ATL1: variants seen among roughly 807,000 people sequenced by gnomAD.
The protein encoded by ATL1 is atlastin GTPase 1.
ATL1 carries 31 observed loss-of-function variants against 75.5 expected under a neutral mutation model. The ratio of observed to expected loss-of-function variants is 0.41; its 90% confidence interval spans 0.31 to 0.55. ATL1 has a LOEUF of 0.55. Ranked by LOEUF, ATL1 falls within the 20% of genes least tolerant of loss-of-function variation. ATL1 has a pLI of 0.27. For missense variants in ATL1, 405 were observed against 662.6 expected, an observed-to-expected ratio of 0.61 and a Z score of 4.27; for synonymous variants, 226 against 233.3, an observed-to-expected ratio of 0.97 and a Z score of 0.28.
At chr14:50,540,175 A>G (rs1224943794) in intron 1 of ATL1, among the ~76,000 whole-genome samples, 2 of 152,250 alleles carry the variant, frequency 1.3e-5, no homozygotes, top group African/African-American at 4.8e-5. Context: ...CACAGTTACT[A>G]TAATAACCTT....
At chr14:50,604,371 T>C (rs944112667) in intron 6 of ATL1, among the ~76,000 whole-genome samples, 1 of 152,124 alleles carries the variant, frequency 6.6e-6, no homozygotes, top group African/African-American at 2.4e-5. Flanking sequence ...AATTAAATTA[T>C]ACATGACTTA....
chr14:50,573,746 T>A (rs1398138988), intron 1 of ATL1, among the ~76,000 whole-genome samples: 1 of 152,180 alleles, frequency 6.6e-6, no homozygotes, highest in Non-Finnish European at 1.5e-5. Context: ...CTCAGATATG[T>A]TTTTTAAAAA....
At position 50,553,940 on chromosome 14, in the gene ATL1, G is replaced by A. The variant is rs1380849509; in HGVS notation, c.-139-6187G>A. 5.9e-5 allele frequency among the ~76,000 whole-genome samples: 9 copies of A among 152,158 alleles called. No homozygotes were observed. In the East Asian group the frequency reaches 1.7e-3, roughly 29 times the overall value. The stretch of plus-strand genomic sequence containing the variant: ...CATAAGAATGATATAATGGACTTTG[G>A]GGACTCCGGGCAAAGGGTCGGGAGG... On this transcript the variant is annotated intron_variant, in intron 1 of 13. Transcript: ENST00000441560.
chr14:50,571,984 G>T, intron 1 of ATL1: 1 of 465,396 alleles, frequency 2.1e-6, no homozygotes, highest in Non-Finnish European at 4.1e-6. Flanking sequence ...TTGTTTTGTT[G>T]CCCGCTAGTT....
At chr14:50,615,715 C>A (rs1270174133) in intron 8 of ATL1, among the ~76,000 whole-genome samples, 1 of 152,146 alleles carries the variant, frequency 6.6e-6, no homozygotes, top group Non-Finnish European at 1.5e-5. Flanking sequence ...TGTGCAATTA[C>A]CTAATGGCTT....
chr14:50,578,073 ATTAT>A (rs2039023031), intron 1 of ATL1, among the ~76,000 whole-genome samples: 1 of 152,178 alleles, frequency 6.6e-6, no homozygotes, highest in African/African-American at 2.4e-5. Flanking sequence ...ATTCTATTCT[ATTAT>A]TTATTCTCTC....
rs538344131 is a variant in ATL1 at position 50,570,729 on chromosome 14, T to A, written c.34+10430T>A. ...TCTTTCTCTAGGACAGTTTCTGTTT[T>A]ATTTTTTTCCCTTAAATGGCCAGTA... On this transcript the variant is annotated intron_variant, in intron 1 of 13. Transcript: ENST00000358385. 8.5e-5 allele frequency among the ~76,000 whole-genome samples: 13 copies of A among 152,372 alleles called. No individual in the cohort carries two copies. The South Asian group carries it at 2.7e-3, about 32-fold the overall frequency.
At chr14:50,587,547 C>T (rs1030870386) in intron 1 of ATL1, among the ~76,000 whole-genome samples, 1 of 151,060 alleles carries the variant, frequency 6.6e-6, no homozygotes. Flanking sequence ...AGAGCTGGGA[C>T]CACAGGCACG....
chr14:50,627,977 A>G (rs1005802425), intron 11 of ATL1, 54 bp from the exon 12 acceptor site: 3 of 1,583,294 alleles, frequency 1.9e-6, no homozygotes, highest in Admixed American at 3.4e-5. Context: ...ATTTTGATAC[A>G]GTTGCCAATT....
At chr14:50,605,090 A>T (rs954069801) in intron 6 of ATL1, among the ~76,000 whole-genome samples, 1 of 152,038 alleles carries the variant, frequency 6.6e-6, no homozygotes, top group African/African-American at 2.4e-5. Flanking sequence ...GATTTATGAT[A>T]ATTTGGAAGG....
At chr14:50,603,666 A>G (rs977541332) in intron 6 of ATL1, among the ~76,000 whole-genome samples, 4 of 152,184 alleles carry the variant, frequency 2.6e-5, no homozygotes, top group African/African-American at 9.6e-5. Flanking sequence ...ATTCTTTGAT[A>G]GTGATTTAAG....
chr14:50,538,371 A>C (rs1490080704), intron 1 of ATL1, among the ~76,000 whole-genome samples: 2 of 152,198 alleles, frequency 1.3e-5, no homozygotes, highest in African/African-American at 2.4e-5. Flanking sequence ...AGCAGTGTGA[A>C]AATGGACTAA....
At chr14:50,553,270 CA>C (rs35423067) in intron 1 of ATL1, among the ~76,000 whole-genome samples, 263 of 103,080 alleles carry the variant, frequency 2.6e-3, no homozygotes, top group African/African-American at 4.5e-3. Flanking sequence ...GACTCCGTTT[CA>C]AAAAAAAAAA....
At chr14:50,564,041 C>A (rs1256352395) in intron 1 of ATL1, among the ~76,000 whole-genome samples, 1 of 151,914 alleles carries the variant, frequency 6.6e-6, no homozygotes, top group Non-Finnish European at 1.5e-5. Context: ...AAAGGTACCA[C>A]AACAAGCTTA....
upstream of ATL1, among the ~76,000 whole-genome samples, chr14:50,555,372 C>A (rs1335094123): frequency 1.3e-5 from 2 of 152,222 alleles, no homozygotes; most frequent in African/African-American, 4.8e-5. Context: ...ACCTCTGCCT[C>A]CCGGGTTCAA....
intron 3 of ATL1, 49 bp from the exon 4 acceptor site, chr14:50,591,486 G>T: frequency 1.6e-6 from 2 of 1,216,416 alleles, no homozygotes; most frequent in South Asian, 2.4e-5. Context: ...TAACCCTAAT[G>T]ACCTAGATGT....
chr14:50,559,693 T>G (rs1000942100), upstream of ATL1: 1 of 153,644 alleles, frequency 6.5e-6, no homozygotes, highest in Non-Finnish European at 1.4e-5. Context: ...AGTATACATA[T>G]ACAAAAATGC....
At chr14:50,579,755 C>G (rs1445463758) in intron 1 of ATL1, among the ~76,000 whole-genome samples, 1 of 152,092 alleles carries the variant, frequency 6.6e-6, no homozygotes. Flanking sequence ...GAGAGCTGAT[C>G]GGGTACATCT....
At chr14:50,618,962 C>T (rs2039440751) in intron 8 of ATL1, among the ~76,000 whole-genome samples, 1 of 152,062 alleles carries the variant, frequency 6.6e-6, no homozygotes, top group Non-Finnish European at 1.5e-5. Flanking sequence ...ACAATCTTGG[C>T]TCACTGCAAC....
Sources: gnomAD v4.1 joint callset for allele counts (sites outside exome capture counted in the v4.1 genomes callset) on GRCh38, gnomAD v4.1.1 for gene constraint, MANE v1.5 for transcripts, NCBI Gene and HGNC (gene_info 2026-07-23, HGNC 2026-07-21) for gene names.